Variants in MILR1 observed in about 807,000 individuals in gnomAD.
MILR1 encodes mast cell immunoglobulin like receptor 1, also known as allergin-1.
A neutral mutation model predicts 18.5 loss-of-function variants in MILR1; 31 were observed. That is an observed-to-expected ratio of 1.68 (90% CI 1.26 to 2.26). The LOEUF (loss-of-function observed/expected upper bound fraction) is 2.26. Among genes scored for constraint, MILR1 ranks in the 30% most tolerant of loss-of-function variants. The pLI is 0.00. For missense variants in MILR1, 257 were observed against 157.4 expected (o/e 1.63, Z -3.38); for synonymous variants, 85 against 56.2 (o/e 1.51, Z -2.30).
intron 3 of MILR1, among the ~76,000 whole-genome samples, chr17:64,454,402 A>T (rs2037243888): frequency 6.6e-6 from 1 of 152,184 alleles, no homozygotes. Flanking sequence ...AGTCAATTAA[A>T]ATTAGATGAA....
chr17:64,452,073 C>G lies in MILR1; in HGVS notation c.98-524C>G, dbSNP rs1241755778. On this transcript the variant is annotated intron_variant, in intron 2 of 9. Transcript: ENST00000619286. Reference sequence around the variant, plus strand: ...TCTTCCACCCAAGCCATCCATTGGTCCCAGCTATGTTTTTTTTTTTTTTTG... The same window carrying G: ...TCTTCCACCCAAGCCATCCATTGGTGCCAGCTATGTTTTTTTTTTTTTTTG... Among the ~76,000 whole-genome samples, 4 of 145,700 alleles carry G rather than the reference C, an allele frequency of 2.7e-5. No individual in the cohort carries two copies. In the Admixed American group the frequency reaches 2.8e-4, roughly 10 times the overall value.
chr17:64,480,863 C>T, the MILR1 span, among the ~76,000 whole-genome samples: 1 of 151,964 alleles, frequency 6.6e-6, no homozygotes, highest in Non-Finnish European at 1.5e-5. Flanking sequence ...AGAAGCAAAC[C>T]CCGGAAAATG....
intron 8 of MILR1, 128 bp from the exon 9 acceptor site, chr17:64,467,435 AAC>A (rs2037599108): frequency 6.5e-6 from 4 of 617,232 alleles, no homozygotes; most frequent in Non-Finnish European, 1.1e-5. Context: ...TAAATTATTT[AAC>A]ACAGTCCAGG....
chr17:64,467,639 T>A lies in MILR1; in HGVS notation c.*22T>A. ...CTGAAATTTACAGAAACAAACTACATCTCAGGGTAAGATGCTTTTTATGAA... is the reference window on the plus strand; with the variant it reads ...CTGAAATTTACAGAAACAAACTACAACTCAGGGTAAGATGCTTTTTATGAA... On this transcript the variant is annotated 3_prime_UTR_variant, in exon 9 of 10. Transcript: ENST00000619286. 1 of 1,543,270 alleles carries A rather than the reference T, an allele frequency of 6.5e-7. No homozygotes were observed. The highest frequency in any genetic ancestry group is 1.9e-5 in the Admixed American group (1 of 52,494).
chr17:64,462,295 G>T (rs963044736), intron 5 of MILR1, among the ~76,000 whole-genome samples: 3 of 152,026 alleles, frequency 2.0e-5, no homozygotes, highest in Non-Finnish European at 2.9e-5. Flanking sequence ...CTCCCACAGT[G>T]TTGGGATTAT....
the MILR1 span, among the ~76,000 whole-genome samples, chr17:64,476,385 TA>T: frequency 6.6e-6 from 1 of 152,126 alleles, no homozygotes; most frequent in Non-Finnish European, 1.5e-5. Context: ...TGCCTTGAAA[TA>T]ATATTCAAGG....
At position 64,465,524 on chromosome 17, in the gene MILR1, T is replaced by G; in HGVS notation, c.836T>G (p.Ile279Ser). ...ATGGAAGTTGGAATCTATGCAAATA[T>G]CCTTGAAAAACAAGCAAGTAAGAGA... ...TAMEVGIYAN[I>S]LEKQAKEESV... Residue 279 changes from isoleucine (I) to serine (S), a missense_variant, in exon 6 of 10, where the codon ATC (isoleucine) becomes AGC (serine). Ile to Ser is a moderately radical substitution (Grantham distance 142). Coordinates refer to ENST00000619286, the MANE Select transcript of MILR1 (RefSeq NM_001085423.2). 2 of 1,608,900 alleles carry G rather than the reference T, an allele frequency of 1.2e-6. No individual in the cohort carries two copies. The highest frequency in any genetic ancestry group is 2.2e-5 in the South Asian group (2 of 89,664).
chr17:64,459,870 C>T (rs2037383376), intron 4 of MILR1, among the ~76,000 whole-genome samples: 1 of 152,152 alleles, frequency 6.6e-6, no homozygotes, highest in Admixed American at 6.6e-5. Flanking sequence ...CTCATGACCC[C>T]AGAAATGTTG....
the MILR1 span, among the ~76,000 whole-genome samples, chr17:64,490,178 C>A: frequency 6.6e-6 from 1 of 152,160 alleles, no homozygotes; most frequent in African/African-American, 2.4e-5. Context: ...CCACTTCGGC[C>A]TCACAAAGTG....
In MILR1 at chr17:64,456,354, G is replaced by T. The variant is rs899014697; in HGVS notation, c.368-1046G>T. On this transcript the variant is annotated intron_variant, in intron 3 of 9. Transcript: ENST00000619286. Reference sequence around the variant, plus strand: ...ATAAAATGTATAGCTGGGTTTTTCTGTTAGGTCATAGAATAGGCTATGATC... The same window carrying T: ...ATAAAATGTATAGCTGGGTTTTTCTTTTAGGTCATAGAATAGGCTATGATC... 6.5e-3 allele frequency among the ~76,000 whole-genome samples: 984 copies of T among 152,046 alleles called. 11 individuals are homozygous for T. Among genetic ancestry groups the T allele is most frequent in the African/African-American group, 0.022 (925 of 41,432 alleles).
intron 3 of MILR1, 89 bp downstream of exon 3, chr17:64,452,955 C>T: frequency 2.3e-6 from 1 of 436,252 alleles, no homozygotes; most frequent in Non-Finnish European, 4.2e-6. Flanking sequence ...CTTGTGAACA[C>T]TTAAGAACCT....
chr17:64,474,354 C>T, the MILR1 span, among the ~76,000 whole-genome samples: 9,836 of 151,864 alleles, frequency 0.065, 439 homozygotes, highest in Admixed American at 0.15. Flanking sequence ...GGATTACAGG[C>T]GTGAGCCACC....
At chr17:64,477,585 AGTT>A in the MILR1 span, among the ~76,000 whole-genome samples, 1 of 152,232 alleles carries the variant, frequency 6.6e-6, no homozygotes, top group Non-Finnish European at 1.5e-5. Flanking sequence ...TACCCGCTAG[AGTT>A]CTTGTATGTA....
intron 9 of MILR1, chr17:64,467,937 A>AAAT (rs1389214262): frequency 1.1e-5 from 1 of 93,974 alleles, no homozygotes. Flanking sequence ...CTTCATCTCA[A>AAAT]AAAAAAAAAA....
chr17:64,449,333 T>C lies in MILR1; in HGVS notation c.75T>C (p.Asp25=). ...SSVTCRKAVL[D]CEAMKTNEFP... ...TTTCAGGTAGAAAAGCTGTATTGGATTGTGAGGCAATGAAAACAAATGGTA... is the reference window on the plus strand; with the variant it reads ...TTTCAGGTAGAAAAGCTGTATTGGACTGTGAGGCAATGAAAACAAATGGTA... Residue 25 remains aspartate (D), a synonymous_variant, in exon 2 of 10, where the codon GAT becomes GAC. Transcript: ENST00000619286. 1 of 473,298 alleles carries C rather than the reference T, an allele frequency of 2.1e-6. No individual in the cohort carries two copies. The highest frequency in any genetic ancestry group is 3.9e-6 in the Non-Finnish European group (1 of 258,042). The allele number at this position is 473,298 out of a possible 1,614,324, so 29.3% of individuals were successfully genotyped here.
intron 4 of MILR1, among the ~76,000 whole-genome samples, chr17:64,460,095 G>A (rs1022530560): frequency 4.7e-5 from 7 of 150,098 alleles, no homozygotes; most frequent in Middle Eastern, 3.4e-3. Flanking sequence ...GCACGATCTC[G>A]GCTCATTGCA....
intron 3 of MILR1, among the ~76,000 whole-genome samples, chr17:64,456,546 C>T (rs991686653): frequency 4.6e-5 from 7 of 152,196 alleles, no homozygotes; most frequent in African/African-American, 1.2e-4. Context: ...CATGGTGGCT[C>T]ACACCTGAAA....
At chr17:64,459,291 G>A (rs906494630) in intron 4 of MILR1, among the ~76,000 whole-genome samples, 2 of 151,958 alleles carry the variant, frequency 1.3e-5, no homozygotes, top group Admixed American at 6.6e-5. Context: ...AAAATTAGCC[G>A]GGTGTGGTGG....
At chr17:64,456,991 A>G (rs2037314148) in intron 3 of MILR1, among the ~76,000 whole-genome samples, 1 of 152,190 alleles carries the variant, frequency 6.6e-6, no homozygotes, top group Non-Finnish European at 1.5e-5. Context: ...AACCTGGCCA[A>G]CATGGTAAGG....
Sources: gnomAD v4.1 joint callset for allele counts (sites outside exome capture counted in the v4.1 genomes callset) on GRCh38, gnomAD v4.1.1 for gene constraint, MANE v1.5 for transcripts, NCBI Gene and HGNC (gene_info 2026-07-23, HGNC 2026-07-21) for gene names.